The following TANC1 variants were observed in gnomAD, a reference collection of about 807,000 sequenced individuals.
The protein encoded by TANC1 is tetratricopeptide repeat, ankyrin repeat and coiled-coil containing 1, also known as protein TANC1.
In TANC1, 77 loss-of-function variants were observed where a neutral mutation model predicts 149.7. The ratio of observed to expected loss-of-function variants is 0.51; its 90% CI spans 0.43 to 0.62. The LOEUF (loss-of-function observed/expected upper bound fraction) is 0.62, where lower values mean the gene tolerates loss of function less well. TANC1 is among the 20% of genes least tolerant of loss of function. The pLI is 0.00. For synonymous variants in TANC1, 854 were observed against 925.0 expected (o/e 0.92, Z 1.39); for missense variants, 1,985 against 2,321.8 (o/e 0.85, Z 2.98).
intron 16 of TANC1, among the ~76,000 whole-genome samples, chr2:159,193,639 C>T (rs951657149): frequency 6.6e-6 from 1 of 152,156 alleles, no homozygotes; most frequent in East Asian, 1.9e-4. Context: ...ATTCTCCTGC[C>T]TCAGCCTCCC....
In TANC1 at chr2:159,137,036, A is replaced by G. The variant is rs2050838967; in HGVS notation, c.364+738A>G. Among the ~76,000 whole-genome samples, 7 of 152,282 alleles carry G rather than the reference A, an allele frequency of 4.6e-5. No homozygotes were observed. The South Asian group carries it at 1.4e-3, about 32-fold the overall frequency. Reference sequence around the variant, plus strand: ...TTGAATTTCCACCCTGTTTTTCTGCAGAAACATGGGACTAGGAATCTTGCT... The same window carrying G: ...TTGAATTTCCACCCTGTTTTTCTGCGGAAACATGGGACTAGGAATCTTGCT... On this transcript the variant is annotated intron_variant, in intron 5 of 26. Coordinates refer to ENST00000263635, the MANE Select transcript of TANC1 (RefSeq NM_033394.3).
intron 2 of TANC1, among the ~76,000 whole-genome samples, chr2:159,054,718 T>C (rs1184896833): frequency 6.6e-6 from 1 of 152,220 alleles, no homozygotes; most frequent in Non-Finnish European, 1.5e-5. Context: ...TGAGTGCCTT[T>C]TAACACTTTT....
rs542813869 is a variant in TANC1, at chr2:159,170,957, A to G, written c.1351+152A>G. 2.4e-5 allele frequency: 20 copies of G among 835,634 alleles called. No homozygotes were observed. In the East Asian group the frequency reaches 5.3e-4, roughly 22 times the overall value. 51.8% of individuals were successfully genotyped at this position (835,634 alleles called of 1,614,324 possible). ...CATGTGTGAAGTGAACTGTTTCAATATGTCCCTCCATCATGATGTGTATTC... is the reference window on the plus strand; with the variant it reads ...CATGTGTGAAGTGAACTGTTTCAATGTGTCCCTCCATCATGATGTGTATTC... On this transcript the variant is annotated intron_variant, in intron 10 of 26. Transcript: ENST00000263635.
intron 8 of TANC1, among the ~76,000 whole-genome samples, chr2:159,167,560 G>T (rs2054728474): frequency 6.6e-6 from 1 of 152,224 alleles, no homozygotes; most frequent in South Asian, 2.1e-4. Flanking sequence ...CTGGCAAAGT[G>T]CATAGAATAT....
intron 19 of TANC1, among the ~76,000 whole-genome samples, chr2:159,204,069 A>G (rs1029741893): frequency 1.3e-5 from 2 of 152,248 alleles, no homozygotes; most frequent in African/African-American, 4.8e-5. Context: ...CAACTGAGGA[A>G]CAATAGTTTA....
At chr2:159,202,288 T>C (rs1276649585) in intron 19 of TANC1, among the ~76,000 whole-genome samples, 1 of 152,180 alleles carries the variant, frequency 6.6e-6, no homozygotes, top group Non-Finnish European at 1.5e-5. Context: ...AGGTGGCTCC[T>C]GTGTTAGGTT....
intron 2 of TANC1, among the ~76,000 whole-genome samples, chr2:159,020,158 G>C (rs1025473506): frequency 2.0e-5 from 3 of 151,838 alleles, no homozygotes; most frequent in African/African-American, 7.3e-5. Flanking sequence ...CGTTCTATCG[G>C]CTAGGCTGGA....
intron 2 of TANC1, among the ~76,000 whole-genome samples, chr2:159,011,014 G>A (rs2037701242): frequency 6.6e-6 from 1 of 152,108 alleles, no homozygotes; most frequent in South Asian, 2.1e-4. Context: ...ATCCCCATGA[G>A]TGTTCTGGGG....
At position 159,095,829 on chromosome 2, in the gene TANC1, T is replaced by C. The variant is rs555109558; in HGVS notation, c.62-1808T>C. On this transcript the variant is annotated intron_variant, in intron 3 of 26. Coordinates refer to ENST00000263635, the MANE Select transcript of TANC1 (RefSeq NM_033394.3). ...ATATGGAGGGGGTGACTCTACTTCC[T>C]CTTGACTCCTAACACAAAAAACAAG... Among the ~76,000 whole-genome samples the C allele has an allele frequency of 2.3e-3, 306 of 131,766 alleles. 1 individual carries two copies. The highest frequency in any genetic ancestry group is 3.7e-3 in the Non-Finnish European group (220 of 58,896). The allele number at this position is 131,766 out of a possible 152,430, so 86.4% of individuals were successfully genotyped here.
intron 5 of TANC1, among the ~76,000 whole-genome samples, chr2:159,138,128 C>T (rs2050957567): frequency 1.3e-5 from 2 of 148,716 alleles, no homozygotes; most frequent in African/African-American, 4.9e-5. Flanking sequence ...TGTGCTCACT[C>T]CTGAGACCTG....
At chr2:159,027,668 C>A (rs1275728462) in intron 2 of TANC1, among the ~76,000 whole-genome samples, 2 of 152,194 alleles carry the variant, frequency 1.3e-5, no homozygotes, top group African/African-American at 2.4e-5. Context: ...ACTCATTGCC[C>A]AGTTTCAAAG....
chr2:159,006,021 G>A (rs144157534), intron 2 of TANC1, among the ~76,000 whole-genome samples: 7 of 152,142 alleles, frequency 4.6e-5, no homozygotes, highest in South Asian at 2.1e-4. Context: ...ATGGCCGGGC[G>A]CAGTGACTTA....
intron 8 of TANC1, among the ~76,000 whole-genome samples, chr2:159,167,090 A>G (rs1478652796): frequency 6.6e-6 from 1 of 152,232 alleles, no homozygotes; most frequent in African/African-American, 2.4e-5. Flanking sequence ...TTCAGTTGTT[A>G]TAAATTTATA....
At chr2:159,108,692 G>A (rs527889122) in intron 4 of TANC1, among the ~76,000 whole-genome samples, 31 of 152,324 alleles carry the variant, frequency 2.0e-4, no homozygotes, top group African/African-American at 5.8e-4. Context: ...CTGCGCGTGC[G>A]TCTGCGTCTG....
chr2:159,018,613 A>G (rs1372177633), intron 2 of TANC1, among the ~76,000 whole-genome samples: 3 of 152,130 alleles, frequency 2.0e-5, no homozygotes, highest in African/African-American at 4.8e-5. Context: ...TATCACCCCA[A>G]AGAGAAATTC....
At chr2:158,973,611 G>A (rs920478988) in intron 1 of TANC1, among the ~76,000 whole-genome samples, 3 of 152,208 alleles carry the variant, frequency 2.0e-5, no homozygotes, top group African/African-American at 7.2e-5. Context: ...GGAGAGTTAC[G>A]GTTAGACCCA....
intron 2 of TANC1, among the ~76,000 whole-genome samples, chr2:159,010,881 A>T (rs901683133): frequency 3.9e-5 from 6 of 152,018 alleles, no homozygotes; most frequent in Non-Finnish European, 8.8e-5. Flanking sequence ...GAATCTGTCC[A>T]TTTTGGTTTT....
intron 14 of TANC1, among the ~76,000 whole-genome samples, chr2:159,181,333 T>C (rs2150562925): frequency 1.3e-5 from 2 of 151,998 alleles, no homozygotes; most frequent in African/African-American, 4.8e-5. Flanking sequence ...AGTCTCGCTG[T>C]CGCCCAGGCT....
intron 2 of TANC1, among the ~76,000 whole-genome samples, chr2:159,025,237 CTTTT>C (rs2039218606): frequency 1.8e-5 from 2 of 112,652 alleles, no homozygotes; most frequent in African/African-American, 3.5e-5. Context: ...TTCTTTCTTT[CTTTT>C]CTCCTTCCTT....
Sources: allele counts gnomAD v4.1 joint callset (sites outside exome capture counted in the v4.1 genomes callset), GRCh38; gene constraint gnomAD v4.1.1; transcripts MANE v1.5; gene names NCBI Gene and HGNC (gene_info 2026-07-23, HGNC 2026-07-21).